Variants in AKAP1 observed in about 807,000 individuals in gnomAD.
The protein encoded by AKAP1 is A-kinase anchoring protein 1, also known as A-kinase anchor protein 1, mitochondrial.
Under a neutral mutation model 79.8 loss-of-function variants are expected in AKAP1, and 32 were observed. That is an observed-to-expected ratio of 0.40 (90% CI 0.30 to 0.54). AKAP1 has a LOEUF of 0.54. Ranked by LOEUF, AKAP1 falls within the 20% of genes least tolerant of loss-of-function variation. AKAP1 has a pLI of 0.47. For synonymous variants in AKAP1, 416 were observed against 466.7 expected (o/e 0.89, Z 1.40); for missense variants, 961 against 1,138.9 (o/e 0.84, Z 2.25).
chr17:57,090,166 T>C (rs1421446260), intron 1 of AKAP1, among the ~76,000 whole-genome samples: 1 of 152,158 alleles, frequency 6.6e-6, no homozygotes, highest in Non-Finnish European at 1.5e-5. Context: ...GAGTTCTTTG[T>C]TTCCAGATGC....
Position 57,106,187 on chromosome 17 carries a change from G to C in AKAP1, c.723G>C (p.Gly241=). The C allele has an allele frequency of 6.2e-7, 1 of 1,614,160 alleles. No individual in the cohort carries two copies. Among genetic ancestry groups the C allele is most frequent in the Non-Finnish European group, 8.5e-7 (1 of 1,180,032 alleles). Reference sequence around the variant, plus strand: ...GCCCCAGCCTGGCCTCTTTAGAGGGGGAAGAAGATAAGGGGAAGAGCAGCT... The same window carrying C: ...GCCCCAGCCTGGCCTCTTTAGAGGGCGAAGAAGATAAGGGGAAGAGCAGCT... The part of the protein sequence containing the change: ...SKGPSLASLE[G]EEDKGKSSSS... Residue 241 remains glycine (G), a synonymous_variant, in exon 2 of 11, where the codon GGG becomes GGC. Coordinates refer to ENST00000337714, the MANE Select transcript of AKAP1 (RefSeq NM_003488.4).
chr17:57,103,375 A>G (rs1446634096), intron 1 of AKAP1, among the ~76,000 whole-genome samples: 1 of 152,190 alleles, frequency 6.6e-6, no homozygotes, highest in East Asian at 1.9e-4. Context: ...TCCCCTAGGG[A>G]TCTTGTTAAA....
chr17:57,102,274 G>T (rs900592459), intron 1 of AKAP1, among the ~76,000 whole-genome samples: 4 of 152,118 alleles, frequency 2.6e-5, no homozygotes, highest in Middle Eastern at 6.8e-3. Context: ...TTAATTTAAA[G>T]ATGCCAAGTG....
intron 1 of AKAP1, among the ~76,000 whole-genome samples, chr17:57,102,353 A>G (rs1297423438): frequency 6.6e-6 from 1 of 152,166 alleles, no homozygotes; most frequent in Non-Finnish European, 1.5e-5. Flanking sequence ...CCGGAAAGGT[A>G]GTACAGACTT....
At chr17:57,091,707 G>C (rs1597958557) in intron 1 of AKAP1, among the ~76,000 whole-genome samples, 1 of 136,062 alleles carries the variant, frequency 7.3e-6, no homozygotes, top group African/African-American at 2.7e-5. Flanking sequence ...TATTTATTTA[G>C]AGATGAGGTC....
chr17:57,120,392 A>C lies in AKAP1; in HGVS notation c.*68A>C. ...ATTGGGCTTGGCACTCAAGTCAAAG[A>C]TGAACATCGGAATAACAAACATTGT... On this transcript the variant is annotated 3_prime_UTR_variant, in exon 11 of 11. Transcript: ENST00000337714. 7.2e-7 allele frequency: 1 copy of C among 1,381,668 alleles called. No homozygotes were observed. Among genetic ancestry groups the C allele is most frequent in the Non-Finnish European group, 1.0e-6 (1 of 983,698 alleles). The allele number at this position is 1,381,668 out of a possible 1,614,324, so 85.6% of individuals were successfully genotyped here.
chr17:57,091,169 T>C (rs529043935), intron 1 of AKAP1, among the ~76,000 whole-genome samples: 1 of 152,352 alleles, frequency 6.6e-6, no homozygotes, highest in South Asian at 2.1e-4. Flanking sequence ...TTTCCTGAAC[T>C]GCCTTGGAGG....
rs1915903768 is a variant in AKAP1 at position 57,121,251 on chromosome 17, TGCA to T, written c.*929_*931del. ...AAAAAAGTAACTCATTGAATTAACT[TGCA>T]GTGGTGTGTTTGATTCTTTTTTAGA... is the stretch of plus-strand genomic sequence containing the variant. On this transcript the variant is annotated 3_prime_UTR_variant, in exon 11 of 11. Coordinates refer to ENST00000337714, the MANE Select transcript of AKAP1 (RefSeq NM_003488.4). The T allele has an allele frequency of 1.3e-5, 2 of 152,202 alleles. No individual in the cohort carries two copies. The highest frequency in any genetic ancestry group is 2.9e-5 in the Non-Finnish European group (2 of 68,046). The allele number at this position is 152,202 out of a possible 1,614,324, so 9.4% of individuals were successfully genotyped here.
Position 57,086,974 on chromosome 17 carries a change from C to T in AKAP1, c.-25+1576C>T, listed in dbSNP as rs538763477. ...TGGTTCACCTGCTGATTATTTAAGA[C>T]CCTGAGCACTGGAAGCAAGTGAAGT... On this transcript the variant is annotated intron_variant, in intron 1 of 10. Coordinates refer to ENST00000337714, the MANE Select transcript of AKAP1 (RefSeq NM_003488.4). This position sits in a 1 kb window ranked among gnomAD's most constrained non-coding sequence, Gnocchi z 5.1. 6.6e-6 allele frequency among the ~76,000 whole-genome samples: 1 copy of T among 152,278 alleles called. No individual in the cohort carries two copies. The highest frequency in any genetic ancestry group is 1.9e-4 in the East Asian group (1 of 5,182).
At chr17:57,112,101 ACTCAGGTCCCTCCCTACT>A (rs1364111091) in intron 4 of AKAP1, among the ~76,000 whole-genome samples, 177 bp downstream of exon 4, 1 of 151,770 alleles carries the variant, frequency 6.6e-6, no homozygotes, top group East Asian at 1.9e-4. Flanking sequence ...CCTGCGGGAG[ACTCAGGTCCCTCCCTACT>A]CTGATCTTTG....
rs538516433 is a variant in AKAP1 at position 57,112,438 on chromosome 17, G to A, written c.1976-53G>A. The A allele has an allele frequency of 2.5e-6, 4 of 1,587,762 alleles. No individual in the cohort carries two copies. The South Asian group carries it at 3.5e-5, about 14-fold the overall frequency. Reference sequence around the variant, plus strand: ...TGTGGCTGTGTTTTTGTGAGTGTGGGTGTGAGTTTCCTCTTACAGTGATTG... The same window carrying A: ...TGTGGCTGTGTTTTTGTGAGTGTGGATGTGAGTTTCCTCTTACAGTGATTG... On this transcript the variant is annotated intron_variant, in intron 4 of 10. Transcript: ENST00000337714.
At chr17:57,090,356 T>C (rs1165000285) in intron 1 of AKAP1, among the ~76,000 whole-genome samples, 1 of 151,768 alleles carries the variant, frequency 6.6e-6, no homozygotes, top group East Asian at 1.9e-4. Flanking sequence ...GTCAGCCCTA[T>C]GAGGTTAGTA....
chr17:57,106,450 A>G lies in AKAP1; in HGVS notation c.986A>G (p.Glu329Gly). 6.8e-7 allele frequency: 1 copy of G among 1,478,586 alleles called. No individual in the cohort carries two copies. The highest frequency in any genetic ancestry group is 9.4e-7 in the Non-Finnish European group (1 of 1,063,976). 91.6% of individuals were successfully genotyped at this position (1,478,586 alleles called of 1,614,324 possible). A position where few individuals can be genotyped will look rare whatever the true frequency, so the allele number is the denominator to read the frequency against. ...GAGGAGGGCTTGGATAGAAATGAGG[A>G]GAGCTTGGATAGAAATGAGGAGGGC... Reference protein sequence around the residue: ...RNEEGLDRNEESLDRNEEGLD... With the variant: ...RNEEGLDRNEGSLDRNEEGLD... Residue 329 changes from glutamate to glycine, a missense_variant, in exon 2 of 11, where the codon GAG (glutamate) becomes GGG (glycine). Physicochemically the swap from Glu to Gly is moderately conservative, Grantham distance 98. Transcript: ENST00000337714.
At chr17:57,118,836 G>A in intron 9 of AKAP1, 146 bp from the exon 10 acceptor site, 1 of 844,820 alleles carries the variant, frequency 1.2e-6, no homozygotes, top group South Asian at 1.6e-5. Flanking sequence ...GACGAGAACA[G>A]CATGGGCACA....
intron 1 of AKAP1, chr17:57,095,214 T>C (rs1914022282): frequency 6.6e-6 from 1 of 152,194 alleles, no homozygotes; most frequent in Non-Finnish European, 1.5e-5. Context: ...CAGGTTGGAG[T>C]GCAGTGGTGC....
At position 57,086,489 on chromosome 17, in the gene AKAP1, C is replaced by T. The variant is rs1160940057; in HGVS notation, c.-25+1091C>T. On this transcript the variant is annotated intron_variant, in intron 1 of 10. Coordinates refer to ENST00000337714, the MANE Select transcript of AKAP1 (RefSeq NM_003488.4). The surrounding 1 kb of genome is among the most constrained non-coding windows in gnomAD (Gnocchi z 5.1). ...CTCTCCTGGGGGATGTCCTGGGTGGCGGCGCCTTCCTGCCGCCGTTAACAC... is the reference window on the plus strand; with the variant it reads ...CTCTCCTGGGGGATGTCCTGGGTGGTGGCGCCTTCCTGCCGCCGTTAACAC... The T allele has an allele frequency of 1.3e-5, 6 of 450,838 alleles. No individual in the cohort carries two copies. The highest frequency in any genetic ancestry group is 4.7e-5 in the South Asian group (3 of 63,958). The allele number at this position is 450,838 out of a possible 1,614,324, so 27.9% of individuals were successfully genotyped here.
intron 1 of AKAP1, 23 bp from the exon 2 acceptor site, chr17:57,105,418 C>G: frequency 6.2e-7 from 1 of 1,608,210 alleles, no homozygotes; most frequent in Non-Finnish European, 8.5e-7. Context: ...CATCCCTCCT[C>G]CCCGCTCTCC....
chr17:57,111,168 G>T (rs56009880), intron 3 of AKAP1, among the ~76,000 whole-genome samples: 9,349 of 152,306 alleles, frequency 0.061, 360 homozygotes, highest in Non-Finnish European at 0.083. Flanking sequence ...GGTCGTTGGC[G>T]GTTGTGTGGG....
chr17:57,100,760 C>T (rs1914457256), intron 1 of AKAP1, among the ~76,000 whole-genome samples: 1 of 152,222 alleles, frequency 6.6e-6, no homozygotes, highest in Admixed American at 6.5e-5. Context: ...CTCCCCTATC[C>T]ATTGCAGCCT....
Sources: gnomAD v4.1 joint callset for allele counts (sites outside exome capture counted in the v4.1 genomes callset) on GRCh38, gnomAD v4.1.1 for gene constraint, Gnocchi (gnomAD v3.1) non-coding constraint, MANE v1.5 for transcripts, NCBI Gene and HGNC (gene_info 2026-07-23, HGNC 2026-07-21) for gene names.